Variants in CHD6 observed in about 807,000 individuals in gnomAD.
The protein encoded by CHD6 is ATP-dependent chromatin remodeler CHD6.
CHD6 carries 50 observed loss-of-function variants against 276.9 expected under a neutral mutation model. That is an observed-to-expected ratio of 0.18 (90% confidence interval 0.14 to 0.23). The LOEUF (loss-of-function observed/expected upper bound fraction) is 0.23, where lower values mean the gene tolerates loss of function less well. Ranked by LOEUF, CHD6 falls within the 10% of genes least tolerant of loss-of-function variation. CHD6 has a pLI of 1.00. For missense variants in CHD6, 2,564 were observed against 3,365.8 expected (o/e 0.76, Z 5.89); for synonymous variants, 1,173 against 1,229.3 (o/e 0.95, Z 0.96).
intron 1 of CHD6, among the ~76,000 whole-genome samples, chr20:41,606,408 G>T (rs1245713018): frequency 6.6e-6 from 1 of 152,226 alleles, no homozygotes; most frequent in African/African-American, 2.4e-5. Flanking sequence ...CAGCTACTCA[G>T]GAGGCTGAGG....
At chr20:41,564,525 G>A (rs980901588) in intron 1 of CHD6, among the ~76,000 whole-genome samples, 7 of 152,116 alleles carry the variant, frequency 4.6e-5, no homozygotes, top group African/African-American at 1.2e-4. Flanking sequence ...GGACAGGAGA[G>A]GGTCAACTAT....
At chr20:41,505,974 A>G (rs1021032385) in intron 5 of CHD6, among the ~76,000 whole-genome samples, 3 of 152,142 alleles carry the variant, frequency 2.0e-5, no homozygotes, top group African/African-American at 7.2e-5. Flanking sequence ...AGATACTCAA[A>G]CCAAAAATCT....
chr20:41,609,874 T>TTAA (rs1362489744), intron 1 of CHD6, among the ~76,000 whole-genome samples: 1 of 145,962 alleles, frequency 6.9e-6, no homozygotes, highest in Non-Finnish European at 1.5e-5. Context: ...TTTTTTTTTT[T>TTAA]GAGATGGAGT....
chr20:41,414,935 G>A, intron 34 of CHD6: 3 of 1,350,024 alleles, frequency 2.2e-6, no homozygotes, highest in Non-Finnish European at 1.9e-6. Context: ...GAGGAGCGGG[G>A]TTGTTCCTAT....
intron 14 of CHD6, 49 bp downstream of exon 14, chr20:41,487,616 T>G (rs753153326): frequency 1.3e-6 from 2 of 1,544,382 alleles, no homozygotes. Flanking sequence ...CTTTTCTTGA[T>G]GAAGATAACG....
intron 2 of CHD6, chr20:41,547,730 T>G: frequency 1.7e-6 from 1 of 579,060 alleles, no homozygotes. Flanking sequence ...ACAGTGGAAT[T>G]ATCACTTTTG....
rs1408375005 is a variant in CHD6, at chr20:41,533,126, C to A, written c.478G>T (p.Ala160Ser). 1 of 1,614,180 alleles carries A rather than the reference C, an allele frequency of 6.2e-7. No homozygotes were observed. Among genetic ancestry groups the A allele is most frequent in the Non-Finnish European group, 8.5e-7 (1 of 1,180,016 alleles). Residue 160 changes from alanine to serine, a missense_variant, in exon 3 of 37, where the codon GCC becomes TCC. Transcript: ENST00000373233. ...GAKKARKPRE[A>S]SGTKEAKEKR... Reference sequence around the variant, plus strand: ...TCTTTGGCCTCCTTGGTGCCCGAGGCCTCCCGGGGCTTCCGTGCCTTCTTT... The same window carrying A: ...TCTTTGGCCTCCTTGGTGCCCGAGGACTCCCGGGGCTTCCGTGCCTTCTTT...
intron 1 of CHD6, among the ~76,000 whole-genome samples, chr20:41,581,910 T>C (rs2045544645): frequency 6.6e-6 from 1 of 152,126 alleles, no homozygotes; most frequent in South Asian, 2.1e-4. Flanking sequence ...ACACAAAACA[T>C]ACATGGATAA....
At chr20:41,415,011 T>TGTAGAAC (rs2046950015) in intron 34 of CHD6, 175 bp downstream of exon 34, 18 of 1,437,676 alleles carry the variant, frequency 1.3e-5, no homozygotes, top group Non-Finnish European at 1.6e-5. Context: ...CATTAATGAG[T>TGTAGAAC]TAGTAACTAT....
chr20:41,514,798 G>A lies in CHD6; in HGVS notation c.702+7C>T, dbSNP rs1001996083. ...ATCTCCACCAGGCCTCCCGGTCACA[G>A]CTGTACCTGGCTGTCTGTAGACTCA... On this transcript the variant is annotated splice_region_variant and intron_variant, in intron 4 of 36. Coordinates refer to ENST00000373233, the MANE Select transcript of CHD6 (RefSeq NM_032221.5). 6.2e-6 allele frequency: 10 copies of A among 1,613,354 alleles called. No homozygotes were observed. The African/African-American group carries it at 1.3e-4, about 22-fold the overall frequency.
chr20:41,430,854 ATT>A (rs61590579), intron 27 of CHD6, among the ~76,000 whole-genome samples: 3,932 of 127,402 alleles, frequency 0.031, 78 homozygotes, highest in African/African-American at 0.066. Context: ...CAGAACATGA[ATT>A]TTTTTTTTTT....
rs949838934 is a variant in CHD6, at chr20:41,514,857, G to A, written c.650C>T (p.Thr217Met). Residue 217 changes from threonine to methionine, a missense_variant, in exon 4 of 37, where the codon ACG becomes ATG. Physicochemically the swap from Thr to Met is moderately conservative, Grantham distance 81. Around this residue, in one of 7 missense-constraint regions of CHD6, gnomAD observed 286 missense variants for 297.8 expected, o/e 0.96. Coordinates refer to ENST00000373233, the MANE Select transcript of CHD6 (RefSeq NM_032221.5). ...VESLELDQGL[T>M]NPSLRSPEES... ...CTCAGGACTCCGCAGAGATGGGTTC[G>A]TCAGGCCCTGATCCAGCTCTAAACT... The A allele has an allele frequency of 1.1e-5, 18 of 1,613,938 alleles. No homozygotes were observed. In the East Asian group the frequency reaches 2.2e-4, roughly 20 times the overall value.
chr20:41,446,726 T>C (rs966540393), intron 24 of CHD6, among the ~76,000 whole-genome samples: 4 of 152,158 alleles, frequency 2.6e-5, no homozygotes, highest in Admixed American at 6.5e-5. Context: ...CATGGCTGAA[T>C]GACTTTTATG....
intron 1 of CHD6, among the ~76,000 whole-genome samples, chr20:41,615,055 G>A (rs1320949926): frequency 2.0e-5 from 3 of 152,154 alleles, no homozygotes; most frequent in East Asian, 1.9e-4. Context: ...AAATACAACA[G>A]TACGCTTGAG....
At chr20:41,470,455 T>G (rs2145769461) in intron 17 of CHD6, among the ~76,000 whole-genome samples, 1 of 152,266 alleles carries the variant, frequency 6.6e-6, no homozygotes, top group South Asian at 2.1e-4. Context: ...CCCTGCATCT[T>G]CCACCTTGGA....
intron 17 of CHD6, among the ~76,000 whole-genome samples, chr20:41,462,238 C>T (rs192448568): frequency 6.6e-6 from 1 of 152,326 alleles, no homozygotes; most frequent in Admixed American, 6.5e-5. Flanking sequence ...ATCAACCTCA[C>T]ATCTGTATTT....
intron 1 of CHD6, among the ~76,000 whole-genome samples, chr20:41,582,950 AAAG>A (rs2045556477): frequency 6.6e-6 from 1 of 152,182 alleles, no homozygotes; most frequent in African/African-American, 2.4e-5. Flanking sequence ...AAACGGGGAA[AAAG>A]AAGTGGAGGG....
intron 8 of CHD6, among the ~76,000 whole-genome samples, chr20:41,494,539 G>A (rs1395935343): frequency 1.3e-5 from 2 of 152,126 alleles, no homozygotes; most frequent in South Asian, 2.1e-4. Context: ...TTTCATTTAA[G>A]CTCCAAAACT....
intron 5 of CHD6, among the ~76,000 whole-genome samples, chr20:41,501,693 G>A (rs965558501): frequency 3.3e-5 from 5 of 152,082 alleles, no homozygotes; most frequent in African/African-American, 1.2e-4. Flanking sequence ...TATGGGGTAG[G>A]TAGATGTCTA....
Sources: allele counts gnomAD v4.1 joint callset (sites outside exome capture counted in the v4.1 genomes callset), GRCh38; gene constraint gnomAD v4.1.1; regional missense constraint gnomAD v4.1.1; transcripts MANE v1.5; gene names NCBI Gene and HGNC (gene_info 2026-07-23, HGNC 2026-07-21).